Variants in SRP72 observed in about 807,000 individuals in gnomAD.
The protein encoded by SRP72 is signal recognition particle 72, also known as signal recognition particle subunit SRP72.
Under a neutral mutation model 96.3 loss-of-function variants are expected in SRP72, and 49 were observed. The ratio of observed to expected loss-of-function variants is 0.51; its 90% CI spans 0.40 to 0.65. SRP72 has a LOEUF of 0.65. Among genes scored for constraint, SRP72 ranks in the 30% least tolerant of loss-of-function variants. SRP72 has a pLI of 0.00. For missense variants in SRP72, 736 were observed against 793.3 expected (o/e 0.93, Z 0.87); for synonymous variants, 267 against 275.2 (o/e 0.97, Z 0.30).
intron 2 of SRP72, among the ~76,000 whole-genome samples, chr4:56,470,045 C>A (rs1408919132): frequency 6.8e-6 from 1 of 147,400 alleles, no homozygotes; most frequent in Admixed American, 7.0e-5. Flanking sequence ...AGTTGTGGGG[C>A]ATAATTATGA....
At chr4:56,472,052 C>T (rs1274838152) in intron 3 of SRP72, among the ~76,000 whole-genome samples, 1 of 152,138 alleles carries the variant, frequency 6.6e-6, no homozygotes, top group Admixed American at 6.6e-5. Context: ...ATGACTTCCT[C>T]AGGTAATCAG....
Position 56,472,694 on chromosome 4 carries a change from T to C in SRP72, c.354+851T>C, listed in dbSNP as rs529196341. Among the ~76,000 whole-genome samples the C allele has an allele frequency of 4.6e-5, 7 of 152,318 alleles. No individual in the cohort carries two copies. In the South Asian group the frequency reaches 1.2e-3, roughly 27 times the overall value. ...TCAATTTAGGGCAAATAATGTTGTATTGAATGTATTGTCCTCAGGAGGTAG... is the reference window on the plus strand; with the variant it reads ...TCAATTTAGGGCAAATAATGTTGTACTGAATGTATTGTCCTCAGGAGGTAG... On this transcript the variant is annotated intron_variant, in intron 3 of 18. Transcript: ENST00000642900.
intron 10 of SRP72, 94 bp downstream of exon 10, chr4:56,484,958 G>A (rs1720649914): frequency 7.0e-7 from 1 of 1,423,214 alleles, no homozygotes; most frequent in Non-Finnish European, 9.3e-7. Context: ...AATTTAATGG[G>A]AAAACTAATC....
chr4:56,473,447 G>T (rs1304286416), intron 3 of SRP72, among the ~76,000 whole-genome samples: 1 of 145,390 alleles, frequency 6.9e-6, no homozygotes, highest in Non-Finnish European at 1.5e-5. Context: ...GACAGAGCGA[G>T]ACTCCATCTC....
At chr4:56,472,561 C>T (rs1232562840) in intron 3 of SRP72, among the ~76,000 whole-genome samples, 3 of 151,690 alleles carry the variant, frequency 2.0e-5, no homozygotes, top group African/African-American at 4.8e-5. Flanking sequence ...TGCCTAGGCT[C>T]GTCTCAAACT....
At chr4:56,491,408 C>A in intron 15 of SRP72, 23 bp from the exon 16 acceptor site, 1 of 1,609,402 alleles carries the variant, frequency 6.2e-7, no homozygotes, top group Non-Finnish European at 8.5e-7. Context: ...ATATTATGTT[C>A]CTGAACTCCT....
intron 8 of SRP72, among the ~76,000 whole-genome samples, chr4:56,478,920 T>G (rs1291545578): frequency 1.3e-5 from 2 of 152,196 alleles, no homozygotes; most frequent in Non-Finnish European, 2.9e-5. Context: ...ACTCTCTCTT[T>G]GTAAGAGATA....
rs377739629 is a variant in SRP72 at position 56,484,714 on chromosome 4, G to T, written c.958-22G>T. ...TTTCATTAACCAGTTTATTTTTCTTGTGGGGGTTGGATATCTTCTAGGCTG... is the reference window on the plus strand; with the variant it reads ...TTTCATTAACCAGTTTATTTTTCTTTTGGGGGTTGGATATCTTCTAGGCTG... On this transcript the variant is annotated intron_variant, in intron 9 of 18. Transcript: ENST00000642900. 50 of 1,610,924 alleles carry T rather than the reference G, an allele frequency of 3.1e-5. No homozygotes were observed. The East Asian group carries it at 3.8e-4, about 12-fold the overall frequency.
chr4:56,469,519 A>G, intron 1 of SRP72, 134 bp from the exon 2 acceptor site: 1 of 754,406 alleles, frequency 1.3e-6, no homozygotes, highest in Non-Finnish European at 2.0e-6. Flanking sequence ...TGTTTCTTCC[A>G]GTTGTTCTGA....
At chr4:56,491,410 T>G in intron 15 of SRP72, 21 bp from the exon 16 acceptor site, 1 of 1,610,420 alleles carries the variant, frequency 6.2e-7, no homozygotes, top group South Asian at 1.1e-5. Context: ...ATTATGTTCC[T>G]GAACTCCTGT....
intron 11 of SRP72, 80 bp from the exon 12 acceptor site, chr4:56,487,869 G>A (rs767646492): frequency 9.1e-5 from 97 of 1,066,146 alleles, no homozygotes; most frequent in Non-Finnish European, 1.3e-4. Context: ...AAAAGTAGTG[G>A]GAGGAAGTAA....
chr4:56,479,083 A>G (rs1209511557), intron 8 of SRP72, among the ~76,000 whole-genome samples: 1 of 152,054 alleles, frequency 6.6e-6, no homozygotes, highest in African/African-American at 2.4e-5. Context: ...CTTCTCCCCC[A>G]CACCCCATCC....
chr4:56,495,337 A>ATT lies in SRP72; in HGVS notation c.1641-12_1641-11dup. On this transcript the variant is annotated intron_variant, in intron 16 of 18. Transcript: ENST00000642900. ...ATATTTTATCACAAAGATGGTAATG[A>ATT]TTTTTTTTTCTCTTTGTAGACAGGG... is the stretch of plus-strand genomic sequence containing the variant. The ATT allele has an allele frequency of 1.4e-6, 2 of 1,450,908 alleles. No individual in the cohort carries two copies. Among genetic ancestry groups the ATT allele is most frequent in the African/African-American group, 1.4e-5 (1 of 70,960 alleles). The allele number at this position is 1,450,908 out of a possible 1,614,324, so 89.9% of individuals were successfully genotyped here.
chr4:56,490,250 C>T, intron 13 of SRP72, 83 bp from the exon 14 acceptor site: 5 of 1,081,498 alleles, frequency 4.6e-6, no homozygotes, highest in Non-Finnish European at 4.0e-6. Context: ...AGGTGTATTT[C>T]TTAAAGGTCT....
intron 8 of SRP72, among the ~76,000 whole-genome samples, chr4:56,480,728 G>C (rs904029492): frequency 6.6e-6 from 1 of 152,134 alleles, no homozygotes; most frequent in African/African-American, 2.4e-5. Flanking sequence ...AAAATACAAA[G>C]CATCATCACA....
At chr4:56,495,068 T>C (rs1336452160) in intron 16 of SRP72, among the ~76,000 whole-genome samples, 3 of 152,236 alleles carry the variant, frequency 2.0e-5, no homozygotes, top group Non-Finnish European at 4.4e-5. Flanking sequence ...AATTACTTTT[T>C]ACATAGACTT....
At position 56,474,612 on chromosome 4, in the gene SRP72, C is replaced by T. The variant is rs889465304; in HGVS notation, c.610+221C>T. 9.0e-5 allele frequency: 51 copies of T among 564,992 alleles called. 1 individual carries two copies. In the South Asian group the frequency reaches 1.0e-3, roughly 11 times the overall value. The allele number at this position is 564,992 out of a possible 1,614,324, so 35.0% of individuals were successfully genotyped here. A position where few individuals can be genotyped will look rare whatever the true frequency, so the allele number is the denominator to read the frequency against. The stretch of plus-strand genomic sequence containing the variant: ...AGGCTGGAGTACAATGGCACGATCT[C>T]GGCTCACTGCAACCTCTGTCTCCCG... On this transcript the variant is annotated intron_variant, in intron 5 of 18. Transcript: ENST00000642900.
At chr4:56,491,349 TAG>T in intron 15 of SRP72, 80 bp from the exon 16 acceptor site, 2 of 1,486,032 alleles carry the variant, frequency 1.3e-6, no homozygotes, top group South Asian at 2.8e-5. Context: ...CCAGTGTCAA[TAG>T]ATACATTGGC....
rs760565483 is a variant in SRP72 at position 56,490,611 on chromosome 4, G to A, written c.1468G>A (p.Ala490Thr). ...DIHTLAQLIS[A>T]YSLVDPEKAK... ...TCACACCCTGGCACAGCTTATTTCTGCTTACTCACTTGTAGATCCAGAGAA... is the reference window on the plus strand; with the variant it reads ...TCACACCCTGGCACAGCTTATTTCTACTTACTCACTTGTAGATCCAGAGAA... The change falls in exon 15 of 19, where the codon GCT becomes ACT. Residue 490 changes from alanine (A) to threonine (T), a missense_variant. Coordinates refer to ENST00000642900, the MANE Select transcript of SRP72 (RefSeq NM_006947.4). The A allele has an allele frequency of 1.9e-6, 3 of 1,613,830 alleles. No individual in the cohort carries two copies. In the East Asian group the frequency reaches 6.7e-5, roughly 36 times the overall value.
Sources: gnomAD v4.1 joint callset for allele counts (sites outside exome capture counted in the v4.1 genomes callset) on GRCh38, gnomAD v4.1.1 for gene constraint, MANE v1.5 for transcripts, NCBI Gene and HGNC (gene_info 2026-07-23, HGNC 2026-07-21) for gene names.